OPRM1: variants seen among roughly 807,000 people sequenced by gnomAD.
OPRM1 encodes mu-type opioid receptor.
A neutral mutation model predicts 31.8 loss-of-function variants in OPRM1; 27 were observed. The ratio of observed to expected loss-of-function variants is 0.85; its 90% CI spans 0.63 to 1.17. The LOEUF (loss-of-function observed/expected upper bound fraction) is 1.17. Ranked by LOEUF, OPRM1 falls within the 50% of genes most tolerant of loss-of-function variation. The pLI, the probability that OPRM1 is intolerant of heterozygous loss-of-function variation, is 0.00. For missense variants in OPRM1, 536 were observed against 511.1 expected (o/e 1.05, Z -0.47); for synonymous variants, 196 against 189.9 (o/e 1.03, Z -0.26).
In OPRM1 at chr6:154,118,772, T is replaced by C. The variant is rs1562488691; in HGVS notation, c.*51T>C. On this transcript the variant is annotated 3_prime_UTR_variant, in exon 4 of 4. Coordinates refer to ENST00000330432, the MANE Select transcript of OPRM1 (RefSeq NM_000914.5). Reference sequence around the variant, plus strand: ...CACCAAGCTTAGAAGCCACCATGTATGTGGAAGCAGGTTGCTTCAAGAATG... The same window carrying C: ...CACCAAGCTTAGAAGCCACCATGTACGTGGAAGCAGGTTGCTTCAAGAATG... 3.7e-6 allele frequency: 6 copies of C among 1,608,074 alleles called. No individual in the cohort carries two copies. Among genetic ancestry groups the C allele is most frequent in the African/African-American group, 1.3e-5 (1 of 74,656 alleles).
intron 3 of OPRM1, among the ~76,000 whole-genome samples, chr6:154,177,322 A>C (rs1396225194): frequency 6.6e-6 from 1 of 152,278 alleles, no homozygotes; most frequent in Non-Finnish European, 1.5e-5. Flanking sequence ...TCTGCACAGC[A>C]AAAGAAACTA....
At chr6:154,245,949 C>G (rs769832280) in intron 3 of OPRM1, among the ~76,000 whole-genome samples, 2 of 152,174 alleles carry the variant, frequency 1.3e-5, no homozygotes, top group African/African-American at 4.8e-5. Flanking sequence ...AGTATACCGA[C>G]TTTTTAAGGA....
chr6:154,159,794 A>C, intron 3 of OPRM1: 3 of 1,528,174 alleles, frequency 2.0e-6, no homozygotes, highest in Non-Finnish European at 2.7e-6. Flanking sequence ...GTTGCTTGTG[A>C]TAAAATATAA....
chr6:154,088,769 A>G (rs1791272366), intron 1 of OPRM1, among the ~76,000 whole-genome samples: 1 of 152,228 alleles, frequency 6.6e-6, no homozygotes, highest in Non-Finnish European at 1.5e-5. Flanking sequence ...CATGGATTGG[A>G]TAGAGTCTAA....
intron 3 of OPRM1, among the ~76,000 whole-genome samples, chr6:154,238,781 A>G (rs1780342691): frequency 6.6e-6 from 1 of 151,894 alleles, no homozygotes; most frequent in Admixed American, 6.6e-5. Flanking sequence ...CCTGGCCTCA[A>G]GTGATCCTCC....
intron 3 of OPRM1, among the ~76,000 whole-genome samples, chr6:154,230,080 T>C (rs969760666): frequency 6.6e-6 from 1 of 151,958 alleles, no homozygotes; most frequent in Non-Finnish European, 1.5e-5. Flanking sequence ...TGACTGTAAA[T>C]GGGGATGGGG....
chr6:154,099,760 G>A (rs1794201144), intron 3 of OPRM1, among the ~76,000 whole-genome samples: 1 of 147,518 alleles, frequency 6.8e-6, no homozygotes, highest in South Asian at 2.1e-4. Flanking sequence ...TAAAAACATG[G>A]AGAGTTTTCA....
chr6:154,147,129 A>T lies in OPRM1; in HGVS notation c.1164+55657A>T, dbSNP rs142728570. On this transcript the variant is annotated intron_variant, in intron 3 of 3. Transcript: ENST00000337049. Reference sequence around the variant, plus strand: ...GCTCCAGGGAAGCAGCTGCTATTCAACCAGAGGTGAAGTTCTGGAGGACAA... The same window carrying T: ...GCTCCAGGGAAGCAGCTGCTATTCATCCAGAGGTGAAGTTCTGGAGGACAA... Among the ~76,000 whole-genome samples, 430 of 152,274 alleles carry T rather than the reference A, an allele frequency of 2.8e-3. 1 individual carries two copies. The highest frequency in any genetic ancestry group is 9.9e-3 in the African/African-American group (413 of 41,536).
At chr6:154,246,498 A>C in intron 3 of OPRM1, 1 of 1,393,164 alleles carries the variant, frequency 7.2e-7, no homozygotes, top group African/African-American at 1.4e-5. Context: ...AATTCCCAGA[A>C]ATCAAAATGA....
chr6:154,187,609 G>C (rs1318351149), intron 3 of OPRM1, among the ~76,000 whole-genome samples: 1 of 152,190 alleles, frequency 6.6e-6, no homozygotes, highest in Non-Finnish European at 1.5e-5. Context: ...TGTCGAAGGA[G>C]AGAAATTATC....
At position 154,125,292 on chromosome 6, in the gene OPRM1, C is replaced by G. The variant is rs1324760647; in HGVS notation, c.*6571C>G. 6.6e-6 allele frequency among the ~76,000 whole-genome samples: 1 copy of G among 152,200 alleles called. No individual in the cohort carries two copies. Among genetic ancestry groups the G allele is most frequent in the Non-Finnish European group, 1.5e-5 (1 of 68,036 alleles). ...ACCTGAATTTGCCTCTATCATGCAT[C>G]TCAATGATTTGTTGTCATCCAAAGC... On this transcript the variant is annotated 3_prime_UTR_variant, in exon 4 of 4. Coordinates refer to ENST00000330432, the MANE Select transcript of OPRM1 (RefSeq NM_000914.5).
chr6:154,037,829 G>A (rs1213508627), upstream of OPRM1, among the ~76,000 whole-genome samples: 1 of 151,680 alleles, frequency 6.6e-6, no homozygotes, highest in African/African-American at 2.4e-5. Context: ...AAGTTACAAA[G>A]CTGATTTATA....
intron 3 of OPRM1, among the ~76,000 whole-genome samples, chr6:154,092,758 A>G (rs1475976399): frequency 6.6e-6 from 1 of 152,218 alleles, no homozygotes; most frequent in Non-Finnish European, 1.5e-5. Context: ...GGGCGACATT[A>G]ATCCTCATAC....
rs1797871140 is a variant in OPRM1, at chr6:154,131,093, A to G, written c.*12372A>G. On this transcript the variant is annotated 3_prime_UTR_variant, in exon 4 of 4. Transcript: ENST00000330432. ...CTGTCACTTGTCATTACATTTTTTT[A>G]TAACATTAATGACACATTTTTTGCT... 6.6e-6 allele frequency among the ~76,000 whole-genome samples: 1 copy of G among 152,228 alleles called. No homozygotes were observed. Among genetic ancestry groups the G allele is most frequent in the Non-Finnish European group, 1.5e-5 (1 of 68,032 alleles).
At chr6:154,179,640 G>T (rs1800663820) in intron 3 of OPRM1, among the ~76,000 whole-genome samples, 1 of 152,186 alleles carries the variant, frequency 6.6e-6, no homozygotes, top group Non-Finnish European at 1.5e-5. Flanking sequence ...GCCACAGAAG[G>T]CACTTTAAAG....
At chr6:154,099,164 A>T (rs962906482) in intron 3 of OPRM1, among the ~76,000 whole-genome samples, 1 of 152,050 alleles carries the variant, frequency 6.6e-6, no homozygotes, top group African/African-American at 2.4e-5. Context: ...ATGCACCTGT[A>T]GGTCTAGCTA....
intron 3 of OPRM1, among the ~76,000 whole-genome samples, chr6:154,170,804 G>A (rs896171143): frequency 3.3e-5 from 5 of 152,188 alleles, no homozygotes; most frequent in African/African-American, 1.2e-4. Context: ...GTGTGGATGA[G>A]GATGTGGATA....
In OPRM1 at chr6:154,201,519, C is replaced by G. The variant is rs189796342; in HGVS notation, c.1165-45174C>G. 2.0e-5 allele frequency among the ~76,000 whole-genome samples: 3 copies of G among 152,260 alleles called. No homozygotes were observed. The East Asian group carries it at 5.8e-4, about 29-fold the overall frequency. ...ACAGATCACCCTATATCTCCAACAG[C>G]AGACAAGGTAGAGAAGGCATTTTAT... On this transcript the variant is annotated intron_variant, in intron 3 of 3. Transcript: ENST00000337049.
chr6:154,044,915 A>G (rs552704698), intron 1 of OPRM1, among the ~76,000 whole-genome samples: 27 of 152,300 alleles, frequency 1.8e-4, no homozygotes, highest in African/African-American at 6.3e-4. Context: ...ACATACAACT[A>G]TATGAGATTT....
Sources: allele counts gnomAD v4.1 joint callset (sites outside exome capture counted in the v4.1 genomes callset), GRCh38; gene constraint gnomAD v4.1.1; transcripts MANE v1.5; gene names NCBI Gene and HGNC (gene_info 2026-07-23, HGNC 2026-07-21).